The following SETBP1 variants were observed in gnomAD, a reference collection of about 807,000 sequenced individuals.
SETBP1 encodes the protein SET-binding protein.
Under a neutral mutation model 101.0 loss-of-function variants are expected in SETBP1, and 9 were observed. The observed-to-expected ratio is 0.09, with a 90% CI of 0.05 to 0.16. The LOEUF is 0.16. SETBP1 is among the 10% of genes least tolerant of loss of function. The pLI is 1.00. For synonymous variants in SETBP1, 818 were observed against 788.5 expected, an observed-to-expected ratio of 1.04 and a Z score of -0.63; for missense variants, 1,858 against 2,033.8, an observed-to-expected ratio of 0.91 and a Z score of 1.66.
rs367720646 is a variant in SETBP1, at chr18:44,938,806, A to T, written c.541-11075A>T. Among the ~76,000 whole-genome samples the T allele has an allele frequency of 9.1e-4, 139 of 152,200 alleles. 1 individual carries two copies. In the South Asian group the frequency reaches 0.028, roughly 31 times the overall value. On this transcript the variant is annotated intron_variant, in intron 3 of 5. Transcript: ENST00000649279. ...CACCTGTCTTCTTGATTCGGGCTCT[A>T]TTGTTTTGAGATCAACTCAGTCAGC...
intron 4 of SETBP1, among the ~76,000 whole-genome samples, chr18:45,014,893 G>A (rs927754570): frequency 6.6e-6 from 1 of 152,158 alleles, no homozygotes; most frequent in Admixed American, 6.5e-5. Context: ...GAGTGCCTTA[G>A]CATGATGTAC....
At chr18:45,023,691 A>G (rs1016020784) in intron 4 of SETBP1, among the ~76,000 whole-genome samples, 2 of 152,144 alleles carry the variant, frequency 1.3e-5, no homozygotes, top group Non-Finnish European at 2.9e-5. Context: ...CCAAATTGCA[A>G]CCCTCCAGTC....
rs576649098 is a variant in SETBP1, at chr18:44,719,937, GAGA to G, written c.486+18109_486+18111del. On this transcript the variant is annotated intron_variant, in intron 2 of 5. Transcript: ENST00000649279. ...GATCTGGATGGGAGGACAAACATGT[GAGA>G]AGATGTCAAATCTGGAGAGCATCCG... Among the ~76,000 whole-genome samples, 31 of 152,324 alleles carry G rather than the reference GAGA, an allele frequency of 2.0e-4. No homozygotes were observed. The South Asian group carries it at 6.0e-3, about 30-fold the overall frequency.
intron 4 of SETBP1, among the ~76,000 whole-genome samples, chr18:45,003,526 C>A (rs539098278): frequency 1.3e-5 from 2 of 152,294 alleles, no homozygotes; most frequent in African/African-American, 2.4e-5. Context: ...AATATTTACT[C>A]TAGGCATGGC....
chr18:44,891,780 A>G (rs1375876350), intron 3 of SETBP1, among the ~76,000 whole-genome samples: 1 of 152,188 alleles, frequency 6.6e-6, no homozygotes, highest in Non-Finnish European at 1.5e-5. Flanking sequence ...CACAAATGCC[A>G]AACCATTTTA....
At chr18:44,837,433 A>C (rs1343377296) in intron 2 of SETBP1, among the ~76,000 whole-genome samples, 2 of 152,248 alleles carry the variant, frequency 1.3e-5, no homozygotes, top group African/African-American at 4.8e-5. Flanking sequence ...GAAGTATGTT[A>C]AATGCATTAA....
intron 4 of SETBP1, among the ~76,000 whole-genome samples, chr18:44,971,110 G>A (rs1599392880): frequency 6.6e-6 from 1 of 151,342 alleles, no homozygotes; most frequent in South Asian, 2.1e-4. Context: ...CCACCTATGA[G>A]TGAGAACATG....
rs546658030 is a variant in SETBP1 at position 44,852,794 on chromosome 18, C to A, written c.487-16436C>A. On this transcript the variant is annotated intron_variant, in intron 2 of 5. Transcript: ENST00000649279. ...ATTCTGCCATGTAAGCATCTACCAG[C>A]TTCTCCTTCCCCTCACTGGAGAGTG... 3.3e-5 allele frequency among the ~76,000 whole-genome samples: 5 copies of A among 152,354 alleles called. No individual in the cohort carries two copies. The East Asian group carries it at 9.7e-4, about 29-fold the overall frequency.
intron 2 of SETBP1, among the ~76,000 whole-genome samples, chr18:44,720,780 C>T (rs577863758): frequency 6.6e-6 from 1 of 152,216 alleles, no homozygotes; most frequent in South Asian, 2.1e-4. Context: ...TCATGGTGGG[C>T]AGCCTTGATC....
chr18:44,980,492 A>G (rs2072088976), intron 4 of SETBP1, among the ~76,000 whole-genome samples: 1 of 152,152 alleles, frequency 6.6e-6, no homozygotes, highest in South Asian at 2.1e-4. Flanking sequence ...TTTAAAAAAA[A>G]AAAAAATCTA....
chr18:45,000,056 T>G (rs1190031937), intron 4 of SETBP1, among the ~76,000 whole-genome samples: 2 of 152,236 alleles, frequency 1.3e-5, no homozygotes, highest in African/African-American at 4.8e-5. Flanking sequence ...CAGTGAACTG[T>G]TGGCACACCA....
At chr18:44,824,078 T>C (rs1379854315) in intron 2 of SETBP1, among the ~76,000 whole-genome samples, 2 of 152,210 alleles carry the variant, frequency 1.3e-5, no homozygotes, top group Admixed American at 1.3e-4. Flanking sequence ...TGCCCAAATC[T>C]TAAGACCAGT....
intron 3 of SETBP1, among the ~76,000 whole-genome samples, chr18:44,938,998 CTGTG>C (rs151163941): frequency 2.7e-5 from 4 of 148,424 alleles, no homozygotes; most frequent in East Asian, 2.0e-4. Flanking sequence ...GTCTCTGTGC[CTGTG>C]TGTGTGTGTG....
At chr18:45,059,103 T>C (rs551049217) in intron 5 of SETBP1, among the ~76,000 whole-genome samples, 48 of 152,296 alleles carry the variant, frequency 3.2e-4, no homozygotes, top group African/African-American at 1.1e-3. Flanking sequence ...GTCAGACATA[T>C]ACCAAAGTAG....
intron 2 of SETBP1, among the ~76,000 whole-genome samples, chr18:44,836,699 C>T (rs2072501455): frequency 6.6e-6 from 1 of 152,176 alleles, no homozygotes; most frequent in African/African-American, 2.4e-5. Flanking sequence ...GTCTATTTGG[C>T]AGCTGAGAAA....
intron 4 of SETBP1, among the ~76,000 whole-genome samples, chr18:44,975,256 C>T (rs1048254657): frequency 1.1e-4 from 17 of 152,182 alleles, no homozygotes; most frequent in Non-Finnish European, 1.9e-4. Flanking sequence ...TTCTACTAGA[C>T]GCAGGGCACT....
At chr18:44,971,598 G>A (rs2071861234) in intron 4 of SETBP1, among the ~76,000 whole-genome samples, 1 of 152,152 alleles carries the variant, frequency 6.6e-6, no homozygotes, top group South Asian at 2.1e-4. Context: ...TCTCACTGTG[G>A]TTTTGATTTG....
At chr18:44,888,628 A>C (rs1387643890) in intron 3 of SETBP1, among the ~76,000 whole-genome samples, 1 of 152,064 alleles carries the variant, frequency 6.6e-6, no homozygotes, top group Non-Finnish European at 1.5e-5. Context: ...ATACCTCTCT[A>C]TTATGTGAAT....
rs551427094 is a variant in SETBP1 at position 45,028,058 on chromosome 18, C to T, written c.4001-10427C>T. ...TAAGTTTTAGGGTACATGTGCACAA[C>T]GTGCAGGTTAGTTACGTATGTATAC... is the stretch of plus-strand genomic sequence containing the variant. On this transcript the variant is annotated intron_variant, in intron 4 of 5. Transcript: ENST00000649279. 2.3e-3 allele frequency among the ~76,000 whole-genome samples: 345 copies of T among 152,004 alleles called. 2 individuals carry two copies. Among genetic ancestry groups the T allele is most frequent in the Non-Finnish European group, 3.4e-3 (234 of 67,954 alleles).
Sources: gnomAD v4.1 joint callset for allele counts (sites outside exome capture counted in the v4.1 genomes callset) on GRCh38, gnomAD v4.1.1 for gene constraint, MANE v1.5 for transcripts, NCBI Gene and HGNC (gene_info 2026-07-23, HGNC 2026-07-21) for gene names.